Variants in SCAF11 observed in about 807,000 individuals in gnomAD.
SCAF11 encodes the protein SR-related CTD associated factor 11.
A neutral mutation model predicts 140.5 loss-of-function variants in SCAF11; 47 were observed. The observed-to-expected ratio is 0.33, with a 90% CI of 0.26 to 0.43. The LOEUF is 0.43. Ranked by LOEUF, SCAF11 falls within the 20% of genes least tolerant of loss-of-function variation. The pLI, the probability that SCAF11 is intolerant of heterozygous loss-of-function variation, is 1.00. For missense variants in SCAF11, 1,645 were observed against 1,705.1 expected, an observed-to-expected ratio of 0.96 and a Z score of 0.62; for synonymous variants, 557 against 579.4, an observed-to-expected ratio of 0.96 and a Z score of 0.55.
chr12:45,961,192 TC>T, intron 3 of SCAF11: 1 of 618,532 alleles, frequency 1.6e-6, no homozygotes, highest in East Asian at 2.8e-5. Flanking sequence ...AACTATGAGA[TC>T]TTGACCAAGT....
At position 45,935,111 on chromosome 12, in the gene SCAF11, T is replaced by C. The variant is rs1445658507; in HGVS notation, c.464-606A>G. 6 of 152,270 alleles carry C rather than the reference T, an allele frequency of 3.9e-5. No homozygotes were observed. In the East Asian group the frequency reaches 1.2e-3, roughly 29 times the overall value. 9.4% of individuals were successfully genotyped at this position (152,270 alleles called of 1,614,324 possible). A position where few individuals can be genotyped will look rare whatever the true frequency, so the allele number is the denominator to read the frequency against. The stretch of plus-strand genomic sequence containing the variant: ...TGCATTGCTTATGACTTGTCCACAG[T>C]GCATATGACAACTGCCTTTTAATTT... On this transcript the variant is annotated intron_variant, in intron 6 of 14. Transcript: ENST00000369367.
chr12:45,986,182 G>A (rs1261446386), intron 1 of SCAF11, among the ~76,000 whole-genome samples: 1 of 152,042 alleles, frequency 6.6e-6, no homozygotes, highest in Non-Finnish European at 1.5e-5. Flanking sequence ...TCCATTTACA[G>A]CCAATACTCT....
chr12:45,935,342 CCT>C (rs1190464590), intron 6 of SCAF11, among the ~76,000 whole-genome samples: 1 of 152,096 alleles, frequency 6.6e-6, no homozygotes, highest in Non-Finnish European at 1.5e-5. Flanking sequence ...TGCACAAGTC[CCT>C]CTCAGAACTA....
At chr12:45,956,017 T>C in intron 3 of SCAF11, 1 of 682,674 alleles carries the variant, frequency 1.5e-6, no homozygotes, top group Non-Finnish European at 2.7e-6. Context: ...ATGATTTCAG[T>C]AAAACACACC....
intron 1 of SCAF11, 143 bp from the exon 2 acceptor site, chr12:45,964,331 C>T (rs1209120468): frequency 1.8e-6 from 1 of 545,650 alleles, no homozygotes; most frequent in Admixed American, 3.3e-5. Flanking sequence ...TAATCCAGTA[C>T]TCTTTTATAC....
chr12:45,964,115 T>C lies in SCAF11; in HGVS notation c.53A>G (p.Asp18Gly). The part of the protein sequence containing the change: ...TLNMGDKKYE[D>G]MEGEENGDNT... ...TAAAAATGAAAAGTTACCTTCCATG[T>C]CTTCATACTTCTTATCTCCCATATT... is the stretch of plus-strand genomic sequence containing the variant. Residue 18 changes from aspartate to glycine, a missense_variant, in exon 2 of 15, where the codon GAC becomes GGC. Asp to Gly is a moderately conservative substitution (Grantham distance 94). This residue lies in a region of SCAF11 where 1,582 missense variants were observed against 1,609.2 expected (regional missense o/e 0.98). Transcript: ENST00000369367. 6.7e-7 allele frequency: 1 copy of C among 1,502,948 alleles called. No homozygotes were observed. The highest frequency in any genetic ancestry group is 9.2e-7 in the Non-Finnish European group (1 of 1,089,342). 93.1% of individuals were successfully genotyped at this position (1,502,948 alleles called of 1,614,324 possible). A position where few individuals can be genotyped will look rare whatever the true frequency, so the allele number is the denominator to read the frequency against.
intron 1 of SCAF11, among the ~76,000 whole-genome samples, chr12:45,971,210 G>A (rs1411495148): frequency 1.3e-5 from 2 of 152,142 alleles, no homozygotes; most frequent in Admixed American, 6.5e-5. Context: ...GTTGCATGCA[G>A]CAAGGTCACC....
In SCAF11 at chr12:45,972,963, T is replaced by TAGATATATATAG. The variant is rs1451649552; in HGVS notation, c.-21-8776_-21-8775insCTATATATATCT. Among the ~76,000 whole-genome samples the TAGATATATATAG allele has an allele frequency of 7.0e-5, 9 of 129,424 alleles. No homozygotes were observed. The South Asian group carries it at 1.6e-3, about 23-fold the overall frequency. The allele number at this position is 129,424 out of a possible 152,430, so 84.9% of individuals were successfully genotyped here. ...AGATATATATATAGATATATAGATA[T>TAGATATATATAG]ATATATAGATATATAGATATATAGA... On this transcript the variant is annotated intron_variant, in intron 1 of 14. Coordinates refer to ENST00000369367, the MANE Select transcript of SCAF11 (RefSeq NM_004719.3).
chr12:45,947,800 C>T (rs930601606), intron 5 of SCAF11, among the ~76,000 whole-genome samples: 1 of 152,110 alleles, frequency 6.6e-6, no homozygotes, highest in Non-Finnish European at 1.5e-5. Context: ...CCTCAACTTC[C>T]TAAGTAGCTG....
intron 3 of SCAF11, chr12:45,961,460 C>A: frequency 1.7e-6 from 1 of 598,046 alleles, no homozygotes. Flanking sequence ...TCTGTTCTTC[C>A]TATAAGGTTA....
At chr12:45,982,550 C>T (rs757581696) in intron 1 of SCAF11, among the ~76,000 whole-genome samples, 6 of 152,022 alleles carry the variant, frequency 3.9e-5, no homozygotes, top group Non-Finnish European at 8.8e-5. Context: ...ACTAAAAATA[C>T]AAAAATTAGC....
chr12:45,924,502 T>C (rs2136496554), intron 12 of SCAF11, among the ~76,000 whole-genome samples: 1 of 152,332 alleles, frequency 6.6e-6, no homozygotes, highest in African/African-American at 2.4e-5. Context: ...AGTAACAGCA[T>C]ATATGTAGCT....
chr12:45,938,501 CAA>C (rs56361433), intron 6 of SCAF11, among the ~76,000 whole-genome samples: 43,722 of 151,698 alleles, frequency 0.29, 6,521 homozygotes, highest in East Asian at 0.34. Flanking sequence ...AAAAAACAAA[CAA>C]ACAAACAAAC....
At chr12:45,937,404 AT>A (rs1945195032) in intron 6 of SCAF11, among the ~76,000 whole-genome samples, 1 of 152,026 alleles carries the variant, frequency 6.6e-6, no homozygotes. Context: ...GTTATTCCCT[AT>A]TTTTCAGCAT....
rs374081483 is a variant in SCAF11, at chr12:45,951,096, T to C, written c.297+554A>G. Among the ~76,000 whole-genome samples, 347 of 152,296 alleles carry C rather than the reference T, an allele frequency of 2.3e-3. 11 individuals carry two copies. The South Asian group carries it at 0.067, about 30-fold the overall frequency. ...TTAACATAAATACAAATCATAATCA[T>C]GGCTCACAACAGTAAGTAACATTAA... On this transcript the variant is annotated intron_variant, in intron 4 of 14. Transcript: ENST00000369367.
intron 2 of SCAF11, among the ~76,000 whole-genome samples, chr12:45,962,398 A>T (rs1945851921): frequency 6.6e-6 from 1 of 152,192 alleles, no homozygotes; most frequent in African/African-American, 2.4e-5. Context: ...TCACATTTTT[A>T]AAAGTATATC....
In SCAF11 at chr12:45,928,435, CTCTTTT is replaced by C; in HGVS notation, c.1260_1265del (p.Lys421_Glu422del). On this transcript the variant is annotated inframe_deletion, in exon 11 of 15. Coordinates refer to ENST00000369367, the MANE Select transcript of SCAF11 (RefSeq NM_004719.3). ...TACTACTGTCTACATCTGGTTGGTG[CTCTTTT>C]TCTAACACAGGTGATGTGTCAGATT... The C allele has an allele frequency of 6.2e-7, 1 of 1,612,434 alleles. No homozygotes were observed. Among genetic ancestry groups the C allele is most frequent in the Non-Finnish European group, 8.5e-7 (1 of 1,178,688 alleles).
At chr12:45,955,374 C>G (rs1197516241) in intron 3 of SCAF11, 1 of 152,100 alleles carries the variant, frequency 6.6e-6, no homozygotes, top group Non-Finnish European at 1.5e-5. Context: ...GTCTCGAACT[C>G]CTGAGCTCAA....
chr12:45,943,443 CCTAA>C (rs1382833804), intron 6 of SCAF11, among the ~76,000 whole-genome samples: 3 of 152,248 alleles, frequency 2.0e-5, no homozygotes, highest in East Asian at 3.9e-4. Context: ...CCCACGCTCA[CCTAA>C]CTTTTATTAC....
Sources: allele counts gnomAD v4.1 joint callset (sites outside exome capture counted in the v4.1 genomes callset), GRCh38; gene constraint gnomAD v4.1.1; regional missense constraint gnomAD v4.1.1; transcripts MANE v1.5; gene names NCBI Gene and HGNC (gene_info 2026-07-23, HGNC 2026-07-21).